Variants in SORBS2 observed in about 807,000 individuals in gnomAD.
The protein encoded by SORBS2 is sorbin and SH3 domain containing 2.
A neutral mutation model predicts 97.7 loss-of-function variants in SORBS2; 46 were observed. The ratio of observed to expected loss-of-function variants is 0.47; its 90% CI spans 0.37 to 0.60. SORBS2 has a LOEUF of 0.60. Ranked by LOEUF, SORBS2 falls within the 20% of genes least tolerant of loss-of-function variation. The probability of loss-of-function intolerance (pLI) is 0.00; values close to 1 mark genes in which losing one functional copy is unlikely to be tolerated. For synonymous variants in SORBS2, 476 were observed against 473.4 expected (o/e 1.01, Z -0.07); for missense variants, 1,316 against 1,282.3 (o/e 1.03, Z -0.40).
intron 1 of SORBS2, among the ~76,000 whole-genome samples, chr4:185,914,246 G>T (rs562908383): frequency 2.0e-5 from 3 of 152,260 alleles, no homozygotes; most frequent in African/African-American, 7.2e-5. Context: ...AGGAAAGTTA[G>T]AAATAAGTAT....
At chr4:185,745,099 G>T (rs896100885) in intron 2 of SORBS2, among the ~76,000 whole-genome samples, 15 of 152,198 alleles carry the variant, frequency 9.9e-5, no homozygotes, top group African/African-American at 3.6e-4. Context: ...CAGGTGGCTT[G>T]TTCTGAGGTA....
Position 185,618,572 on chromosome 4 carries a change from T to G in SORBS2, c.2351+13A>C. ...CCACCTTAAATCATATGATGAGTAT[T>G]TATCTTACTTACTTAGATGTCTGAG... is the stretch of plus-strand genomic sequence containing the variant. On this transcript the variant is annotated intron_variant, in intron 9 of 14. Coordinates refer to ENST00000418609, the Ensembl canonical transcript of SORBS2. 6.8e-7 allele frequency: 1 copy of G among 1,460,422 alleles called. No homozygotes were observed. The allele number at this position is 1,460,422 out of a possible 1,614,324, so 90.5% of individuals were successfully genotyped here. A position where few individuals can be genotyped will look rare whatever the true frequency, so the allele number is the denominator to read the frequency against.
At chr4:185,931,040 GTGA>G (rs1170634132) in intron 1 of SORBS2, among the ~76,000 whole-genome samples, 2 of 137,816 alleles carry the variant, frequency 1.5e-5, no homozygotes, top group African/African-American at 5.1e-5. Flanking sequence ...TATATTTAAA[GTGA>G]TGATATCTTC....
intron 2 of SORBS2, among the ~76,000 whole-genome samples, chr4:185,687,369 G>A (rs60997798): frequency 0.16 from 23,947 of 152,174 alleles, 2,152 homozygotes; most frequent in Middle Eastern, 0.21. Flanking sequence ...GAGTGGTCAT[G>A]TACAATCGAA....
intron 1 of SORBS2, among the ~76,000 whole-genome samples, chr4:185,908,509 T>C (rs996283673): frequency 6.6e-6 from 1 of 151,286 alleles, no homozygotes; most frequent in Admixed American, 6.6e-5. Flanking sequence ...TGACTTCTGA[T>C]TGCTAAATCA....
intron 1 of SORBS2, among the ~76,000 whole-genome samples, chr4:185,809,891 T>C (rs1359993935): frequency 6.6e-6 from 1 of 152,206 alleles, no homozygotes; most frequent in Non-Finnish European, 1.5e-5. Context: ...GAAAAATTAA[T>C]AGGAAATCAG....
At chr4:185,784,705 C>G (rs543885887) in intron 1 of SORBS2, among the ~76,000 whole-genome samples, 1 of 152,112 alleles carries the variant, frequency 6.6e-6, no homozygotes. Context: ...ACCGGCTGAA[C>G]GACAGCAATA....
intron 12 of SORBS2, among the ~76,000 whole-genome samples, chr4:185,600,695 A>C (rs769968453): frequency 2.0e-5 from 3 of 152,118 alleles, no homozygotes; most frequent in Non-Finnish European, 2.9e-5. Flanking sequence ...ATGCTCTCAA[A>C]CCTGCCCTGC....
chr4:185,650,524 A>G (rs6552901), intron 2 of SORBS2, among the ~76,000 whole-genome samples: 151,488 of 152,326 alleles, frequency 0.99, 75,327 homozygotes, highest in East Asian at 1. Context: ...AAAGTAATAT[A>G]TCACTGCTGT....
intron 1 of SORBS2, among the ~76,000 whole-genome samples, chr4:185,863,873 T>C (rs1006059923): frequency 5.3e-5 from 8 of 152,196 alleles, no homozygotes; most frequent in Non-Finnish European, 1.2e-4. Flanking sequence ...TTTGTACAAT[T>C]TAGAAAGGGC....
intron 1 of SORBS2, among the ~76,000 whole-genome samples, chr4:185,920,360 C>T (rs575386614): frequency 1.3e-4 from 20 of 152,246 alleles, no homozygotes; most frequent in African/African-American, 4.3e-4. Flanking sequence ...CTTGCATTTG[C>T]GGCAAGTCCA....
At chr4:185,857,753 T>G (rs1363533992) in intron 1 of SORBS2, among the ~76,000 whole-genome samples, 1 of 152,176 alleles carries the variant, frequency 6.6e-6, no homozygotes, top group Non-Finnish European at 1.5e-5. Flanking sequence ...ACGGTTGAGA[T>G]AAGGGATGAA....
chr4:185,893,889 C>T (rs1292284994), intron 1 of SORBS2, among the ~76,000 whole-genome samples: 1 of 152,136 alleles, frequency 6.6e-6, no homozygotes, highest in Non-Finnish European at 1.5e-5. Flanking sequence ...CTCTATCAGA[C>T]CTTCAGCAGC....
At chr4:185,673,197 G>C (rs1440477544) in intron 4 of SORBS2, among the ~76,000 whole-genome samples, 7 of 152,120 alleles carry the variant, frequency 4.6e-5, no homozygotes, top group Admixed American at 2.6e-4. Flanking sequence ...TATTCGGTGG[G>C]CATAAAGTTT....
In SORBS2 at chr4:185,623,615, T is replaced by C. The variant is rs1416408702; in HGVS notation, c.1514A>G (p.Asp505Gly). Residue 505 changes from aspartate to glycine, a missense_variant, in exon 7 of 15, where the codon GAC becomes GGC. By Grantham distance (94) the Asp-to-Gly change is moderately conservative (BLOSUM62 -1). Transcript: ENST00000418609. The surrounding 1 kb of genome is among the most constrained non-coding windows in gnomAD (Gnocchi z 6.4). ...GTCACTGTGGTCGGACACAACCCCG[T>C]CCTGGTCGCTGTCGGAAAACTCCAC... is the stretch of plus-strand genomic sequence containing the variant. 6 of 1,613,988 alleles carry C rather than the reference T, an allele frequency of 3.7e-6. No homozygotes were observed. The highest frequency in any genetic ancestry group is 5.1e-6 in the Non-Finnish European group (6 of 1,179,994).
chr4:185,731,273 C>T (rs1247304371), intron 2 of SORBS2, among the ~76,000 whole-genome samples: 1 of 152,136 alleles, frequency 6.6e-6, no homozygotes, highest in Non-Finnish European at 1.5e-5. Context: ...TGAGGAAGCT[C>T]AATTGGCTTC....
intron 1 of SORBS2, among the ~76,000 whole-genome samples, chr4:185,783,160 C>G (rs2099039366): frequency 6.6e-6 from 1 of 152,152 alleles, no homozygotes. Flanking sequence ...ACGAATTAAG[C>G]CCAATGAAGG....
chr4:185,617,413 G>A (rs1360568605), intron 9 of SORBS2, among the ~76,000 whole-genome samples: 1 of 152,006 alleles, frequency 6.6e-6, no homozygotes, highest in Non-Finnish European at 1.5e-5. Context: ...TCCTATCTCA[G>A]CAGCATTACC....
intron 1 of SORBS2, among the ~76,000 whole-genome samples, chr4:185,786,949 CA>C (rs1427652744): frequency 0.014 from 1,083 of 76,632 alleles, 8 homozygotes; most frequent in Non-Finnish European, 0.02. Context: ...GATGTTCATC[CA>C]TTTTTTTTTT....
Sources: gnomAD v4.1 joint callset for allele counts (sites outside exome capture counted in the v4.1 genomes callset) on GRCh38, gnomAD v4.1.1 for gene constraint, Gnocchi (gnomAD v3.1) non-coding constraint, MANE v1.5 for transcripts, NCBI Gene and HGNC (gene_info 2026-07-23, HGNC 2026-07-21) for gene names.